Variants in DDR2 observed in about 807,000 individuals in gnomAD.
The protein encoded by DDR2 is discoidin domain receptor tyrosine kinase 2.
Under a neutral mutation model 94.9 loss-of-function variants are expected in DDR2, and 27 were observed. The observed-to-expected ratio is 0.28, with a 90% confidence interval of 0.21 to 0.39. DDR2 has a LOEUF of 0.39. DDR2 is among the 10% of genes least tolerant of loss of function. The pLI, the probability that DDR2 is intolerant of heterozygous loss-of-function variation, is 1.00. For synonymous variants in DDR2, 382 were observed against 377.2 expected, an observed-to-expected ratio of 1.01 and a Z score of -0.15; for missense variants, 783 against 1,076.0, an observed-to-expected ratio of 0.73 and a Z score of 3.81.
intron 9 of DDR2, among the ~76,000 whole-genome samples, chr1:162,761,764 A>G (rs1004101056): frequency 6.6e-6 from 1 of 152,232 alleles, no homozygotes; most frequent in African/African-American, 2.4e-5. Flanking sequence ...AAGCACACCT[A>G]AGCATTACTG....
chr1:162,661,087 G>A (rs570820094), intron 2 of DDR2, among the ~76,000 whole-genome samples: 4 of 152,264 alleles, frequency 2.6e-5, no homozygotes, highest in East Asian at 1.9e-4. Flanking sequence ...ACCATAAACC[G>A]TCATTCCCAG....
At chr1:162,736,635 G>A (rs972456310) in intron 3 of DDR2, among the ~76,000 whole-genome samples, 4 of 152,126 alleles carry the variant, frequency 2.6e-5, no homozygotes, top group Non-Finnish European at 4.4e-5. Flanking sequence ...AGCAACTCAC[G>A]ACTCTAAGAT....
At chr1:162,695,190 C>T (rs1326489229) in intron 2 of DDR2, among the ~76,000 whole-genome samples, 4 of 152,126 alleles carry the variant, frequency 2.6e-5, no homozygotes, top group Non-Finnish European at 4.4e-5. Flanking sequence ...GCTTTTAACA[C>T]GATGGGAAAG....
chr1:162,726,930 A>G (rs1424945008), intron 3 of DDR2, among the ~76,000 whole-genome samples: 1 of 151,800 alleles, frequency 6.6e-6, no homozygotes, highest in Non-Finnish European at 1.5e-5. Flanking sequence ...CTTCAAGCCC[A>G]TAAGATCAAG....
intron 7 of DDR2, among the ~76,000 whole-genome samples, chr1:162,756,328 C>G (rs1663464519): frequency 6.6e-6 from 1 of 152,152 alleles, no homozygotes; most frequent in Non-Finnish European, 1.5e-5. Flanking sequence ...CAAGACTGAC[C>G]TGGCTATAGT....
chr1:162,681,352 C>T (rs1238487748), intron 2 of DDR2, among the ~76,000 whole-genome samples: 2 of 151,918 alleles, frequency 1.3e-5, no homozygotes, highest in Non-Finnish European at 2.9e-5. Context: ...TGCTAGTTAC[C>T]CAGGTCCTCT....
chr1:162,632,861 A>T (rs557265624), intron 1 of DDR2, among the ~76,000 whole-genome samples: 186 of 152,314 alleles, frequency 1.2e-3, no homozygotes, highest in Non-Finnish European at 2.1e-3. Context: ...AGCAGTAATA[A>T]CCAAAGAAGC....
At chr1:162,734,725 C>T (rs1050364826) in intron 3 of DDR2, among the ~76,000 whole-genome samples, 5 of 152,070 alleles carry the variant, frequency 3.3e-5, no homozygotes, top group African/African-American at 1.2e-4. Flanking sequence ...CATTCAGGAA[C>T]TGAAATAAGG....
At chr1:162,767,118 A>G (rs1571312369) in intron 10 of DDR2, 111 bp from the exon 11 acceptor site, 26 of 1,510,676 alleles carry the variant, frequency 1.7e-5, no homozygotes, top group Non-Finnish European at 2.3e-5. Context: ...GGCATCTTCC[A>G]TAATTATCCT....
At position 162,739,392 on chromosome 1, in the gene DDR2, C is replaced by T. The variant is rs1031665644; in HGVS notation, c.83-13703C>T. ...TGCAGTGGTGTGATCACTGCACCTCCGCCTCCCAGATTCAAGCAATTTTCC... is the reference window on the plus strand; with the variant it reads ...TGCAGTGGTGTGATCACTGCACCTCTGCCTCCCAGATTCAAGCAATTTTCC... On this transcript the variant is annotated intron_variant, in intron 3 of 17. Coordinates refer to ENST00000367921, the MANE Select transcript of DDR2 (RefSeq NM_006182.4). 4.6e-5 allele frequency among the ~76,000 whole-genome samples: 7 copies of T among 152,246 alleles called. No individual in the cohort carries two copies. The South Asian group carries it at 6.2e-4, about 14-fold the overall frequency.
intron 9 of DDR2, among the ~76,000 whole-genome samples, chr1:162,763,185 ATT>A (rs768429513): frequency 3.7e-5 from 5 of 135,558 alleles, no homozygotes; most frequent in African/African-American, 8.1e-5. Flanking sequence ...TAGAGTTTGC[ATT>A]TTTTTTTTTT....
At chr1:162,689,092 C>T (rs116711753) in intron 2 of DDR2, among the ~76,000 whole-genome samples, 2,767 of 152,254 alleles carry the variant, frequency 0.018, 35 homozygotes, top group African/African-American at 0.032. Context: ...ATATGATTTG[C>T]GCATCTCTGC....
rs1193645174 is a variant in DDR2, at chr1:162,782,459, A to G, written c.*2213A>G. The G allele has an allele frequency of 6.6e-6, 1 of 152,170 alleles. No individual in the cohort carries two copies. Among genetic ancestry groups the G allele is most frequent in the Non-Finnish European group, 1.5e-5 (1 of 68,014 alleles). The allele number at this position is 152,170 out of a possible 1,614,324, so 9.4% of individuals were successfully genotyped here. On this transcript the variant is annotated 3_prime_UTR_variant, in exon 18 of 18. Coordinates refer to ENST00000367921, the MANE Select transcript of DDR2 (RefSeq NM_006182.4). ...AGGTTTACCAGGTGTTTCCAAATAC[A>G]TTAGCATATTTGATATGTGCAGGAC...
intron 9 of DDR2, among the ~76,000 whole-genome samples, chr1:162,762,317 G>A (rs1347723043): frequency 6.6e-6 from 1 of 152,082 alleles, no homozygotes; most frequent in Non-Finnish European, 1.5e-5. Flanking sequence ...AGGTTAATTT[G>A]ATTCCAGTTC....
At chr1:162,773,909 CACAG>C (rs146241251) in intron 14 of DDR2, among the ~76,000 whole-genome samples, 1,589 of 152,342 alleles carry the variant, frequency 0.01, 32 homozygotes, top group African/African-American at 0.036. Flanking sequence ...GGTCTTTATA[CACAG>C]ACATACTCCT....
intron 9 of DDR2, among the ~76,000 whole-genome samples, chr1:162,764,825 TAAAA>T (rs766135759): frequency 7.6e-6 from 1 of 132,310 alleles, no homozygotes; most frequent in Non-Finnish European, 1.6e-5. Flanking sequence ...AGACCCTGTT[TAAAA>T]AAAAAAAAAA....
At chr1:162,734,642 A>C (rs1012119189) in intron 3 of DDR2, among the ~76,000 whole-genome samples, 2 of 152,144 alleles carry the variant, frequency 1.3e-5, no homozygotes, top group African/African-American at 4.8e-5. Flanking sequence ...TAGTGAGTGA[A>C]GGAGGGAGGA....
intron 3 of DDR2, among the ~76,000 whole-genome samples, chr1:162,729,301 T>TATATATATATATATATATATATATATA (rs755861408): frequency 1.7e-5 from 1 of 60,118 alleles, no homozygotes; most frequent in African/African-American, 8.3e-5. Flanking sequence ...TATATATATA[T>TATATATATATATATATATATATATATA]TTTTTTTTTT....
chr1:162,776,000 C>T (rs930423353), intron 15 of DDR2, 136 bp from the exon 16 acceptor site: 50 of 1,305,752 alleles, frequency 3.8e-5, no homozygotes, highest in Middle Eastern at 1.9e-4. Context: ...TTTGGGGAAA[C>T]GCAAGGGATT....
Sources: allele counts gnomAD v4.1 joint callset (sites outside exome capture counted in the v4.1 genomes callset), GRCh38; gene constraint gnomAD v4.1.1; transcripts MANE v1.5; gene names NCBI Gene and HGNC (gene_info 2026-07-23, HGNC 2026-07-21).